The following HSPA4 variants were observed in gnomAD, a reference collection of about 807,000 sequenced individuals.
HSPA4 encodes heat shock protein family A (Hsp70) member 4.
A neutral mutation model predicts 106.2 loss-of-function variants in HSPA4; 25 were observed. The observed-to-expected ratio is 0.24, with a 90% CI of 0.17 to 0.33. HSPA4 has a LOEUF of 0.33. Ranked by LOEUF, HSPA4 falls within the 10% of genes least tolerant of loss-of-function variation. The pLI, the probability that HSPA4 is intolerant of heterozygous loss-of-function variation, is 1.00. For synonymous variants in HSPA4, 332 were observed against 333.6 expected, an observed-to-expected ratio of 1.00 and a Z score of 0.05; for missense variants, 841 against 996.0, an observed-to-expected ratio of 0.84 and a Z score of 2.10.
rs1231361695 is a variant in HSPA4, at chr5:133,067,892, GT to G, written c.306+353del. ...TGGAAGAGCAGGCAAAGCAATCACA[GT>G]TTTTTTTTTTTTTTTTTGAGATGGA... On this transcript the variant is annotated intron_variant, in intron 3 of 18. Coordinates refer to ENST00000304858, the MANE Select transcript of HSPA4 (RefSeq NM_002154.4). 5.6e-3 allele frequency among the ~76,000 whole-genome samples: 755 copies of G among 134,728 alleles called. 6 individuals are homozygous for G. Among genetic ancestry groups the G allele is most frequent in the African/African-American group, 0.018 (664 of 36,998 alleles). The allele number at this position is 134,728 out of a possible 152,430, so 88.4% of individuals were successfully genotyped here. A position where few individuals can be genotyped will look rare whatever the true frequency, so the allele number is the denominator to read the frequency against.
At chr5:133,097,749 A>G (rs2126715758) in intron 15 of HSPA4, among the ~76,000 whole-genome samples, 1 of 151,642 alleles carries the variant, frequency 6.6e-6, no homozygotes. Flanking sequence ...GGATTTCTCC[A>G]TGTTGATCAG....
At chr5:133,053,940 G>T (rs1165755286) in intron 1 of HSPA4, among the ~76,000 whole-genome samples, 2 of 151,346 alleles carry the variant, frequency 1.3e-5, no homozygotes, top group Non-Finnish European at 2.9e-5. Flanking sequence ...GATTACAGGC[G>T]TGAGTCACGG....
In HSPA4 at chr5:133,091,292, C is replaced by G; in HGVS notation, c.1478C>G (p.Ser493Cys). ...AATGTCCATGGCATTTTCAGTGTGT[C>G]CAGTGCATCTTTAGTGGAGGTTCAC... is the stretch of plus-strand genomic sequence containing the variant. ...RVNVHGIFSV[S>C]SASLVEVHKS... Residue 493 changes from serine to cysteine, a missense_variant, in exon 12 of 19, where the codon TCC (serine) becomes TGC (cysteine). By Grantham distance (112) the Ser-to-Cys change is moderately radical. Around this residue, in one of 5 missense-constraint regions of HSPA4, gnomAD observed 162 missense variants for 177.7 expected, o/e 0.91. Coordinates refer to ENST00000304858, the MANE Select transcript of HSPA4 (RefSeq NM_002154.4). 6.2e-7 allele frequency: 1 copy of G among 1,613,712 alleles called. No individual in the cohort carries two copies. The highest frequency in any genetic ancestry group is 8.5e-7 in the Non-Finnish European group (1 of 1,179,698).
Position 133,086,724 on chromosome 5 carries a change from A to G in HSPA4, c.909-58A>G, listed in dbSNP as rs1765582780. 2.6e-5 allele frequency: 32 copies of G among 1,232,726 alleles called. No homozygotes were observed. The South Asian group carries it at 3.2e-4, about 12-fold the overall frequency. The allele number at this position is 1,232,726 out of a possible 1,614,324, so 76.4% of individuals were successfully genotyped here. Reference sequence around the variant, plus strand: ...TTTTTATTATAGCCATCCATTCCACATAAAAGTGGCATGTGATTTAATGTA... The same window carrying G: ...TTTTTATTATAGCCATCCATTCCACGTAAAAGTGGCATGTGATTTAATGTA... On this transcript the variant is annotated intron_variant, in intron 7 of 18. Transcript: ENST00000304858.
At chr5:133,077,023 A>T in intron 7 of HSPA4, 125 bp downstream of exon 7, 1 of 870,936 alleles carries the variant, frequency 1.1e-6, no homozygotes, top group Non-Finnish European at 1.7e-6. Context: ...CTATTTTAAA[A>T]ATTAGAAGCC....
intron 9 of HSPA4, 27 bp from the exon 10 acceptor site, chr5:133,089,028 C>A: frequency 7.5e-7 from 1 of 1,331,364 alleles, no homozygotes; most frequent in Non-Finnish European, 1.1e-6. Flanking sequence ...ACTTGTTAAA[C>A]GGAATTTTTG....
chr5:133,067,598 ATTATATT>A, intron 3 of HSPA4, 41 bp downstream of exon 3: 1 of 1,489,072 alleles, frequency 6.7e-7, no homozygotes, highest in Non-Finnish European at 9.3e-7. Flanking sequence ...AAAATGCATT[ATTATATT>A]TTATCAGTTC....
chr5:133,104,247 T>C lies in HSPA4; in HGVS notation c.2334T>C (p.Thr778=), dbSNP rs973369831. ...ACCCATTCCAGGAGCTGACAAGTAC[T>C]TGTAGCCCTATAATTTCAAAGCCCA... ...IEAKIKELTS[T]CSPIISKPKP... is the part of the protein sequence containing the mutation. The change falls in exon 19 of 19, where the codon ACT becomes ACC. Residue 778 remains threonine, a synonymous_variant. Coordinates refer to ENST00000304858, the MANE Select transcript of HSPA4 (RefSeq NM_002154.4). 3.1e-6 allele frequency: 5 copies of C among 1,613,944 alleles called. No homozygotes were observed. Among genetic ancestry groups the C allele is most frequent in the Admixed American group, 1.7e-5 (1 of 60,000 alleles).
At chr5:133,083,828 C>T (rs546455753) in intron 7 of HSPA4, among the ~76,000 whole-genome samples, 4 of 152,244 alleles carry the variant, frequency 2.6e-5, no homozygotes, top group Admixed American at 1.3e-4. Flanking sequence ...TGAGCTACTG[C>T]GTGGCCTGGC....
chr5:133,070,407 A>G lies in HSPA4; in HGVS notation c.340A>G (p.Thr114Ala), dbSNP rs761081970. The change falls in exon 4 of 19, where the codon ACT (threonine) becomes GCT (alanine). Residue 114 changes from threonine to alanine, a missense_variant. Transcript: ENST00000304858. ...TATGGAGGAAGAGCGAAATTTTACC[A>G]CTGAGCAAGTGACTGCCATGCTTTT... is the stretch of plus-strand genomic sequence containing the variant. ...TYMEEERNFT[T>A]EQVTAMLLSK... 4 of 1,611,430 alleles carry G rather than the reference A, an allele frequency of 2.5e-6. No homozygotes were observed. The Admixed American group carries it at 5.1e-5, about 20-fold the overall frequency.
At chr5:133,092,810 T>TTTTTGTTTTTTG in intron 13 of HSPA4, 21 bp downstream of exon 13, 1 of 267,640 alleles carries the variant, frequency 3.7e-6, no homozygotes. Flanking sequence ...GGTGGTGTTT[T>TTTTTGTTTTTTG]TTTTTTTTTT....
chr5:133,105,273 G>C lies in HSPA4; in HGVS notation c.*837G>C, dbSNP rs1765842636. 1 of 152,170 alleles carries C rather than the reference G, an allele frequency of 6.6e-6. No homozygotes were observed. Among genetic ancestry groups the C allele is most frequent in the South Asian group, 2.1e-4 (1 of 4,836 alleles). 9.4% of individuals were successfully genotyped at this position (152,170 alleles called of 1,614,324 possible). Reference sequence around the variant, plus strand: ...TATCCTGGCCTGTTTATTCAGGTGGGAGATGTTCTGTATAATTTTGAGGTA... The same window carrying C: ...TATCCTGGCCTGTTTATTCAGGTGGCAGATGTTCTGTATAATTTTGAGGTA... On this transcript the variant is annotated 3_prime_UTR_variant, in exon 19 of 19. Transcript: ENST00000304858.
rs757905111 is a variant in HSPA4 at position 133,089,077 on chromosome 5, T to G, written c.1160T>G (p.Phe387Cys). 1 of 1,600,546 alleles carries G rather than the reference T, an allele frequency of 6.2e-7. No individual in the cohort carries two copies. Among genetic ancestry groups the G allele is most frequent in the Non-Finnish European group, 8.5e-7 (1 of 1,173,050 alleles). The change falls in exon 10 of 19, where the codon TTC becomes TGC. Residue 387 changes from phenylalanine (F) to cysteine (C), a missense_variant. This residue lies in a region of HSPA4 where 162 missense variants were observed against 177.7 expected (regional missense o/e 0.91). Coordinates refer to ENST00000304858, the MANE Select transcript of HSPA4 (RefSeq NM_002154.4). Reference sequence around the variant, plus strand: ...TAGTGTGCCATCTTATCGCCTGCTTTCAAAGTCAGAGAATTTTCTATCACT... The same window carrying G: ...TAGTGTGCCATCTTATCGCCTGCTTGCAAAGTCAGAGAATTTTCTATCACT... ...ALQCAILSPA[F>C]KVREFSITDV...
rs115328195 is a variant in HSPA4, at chr5:133,074,581, G to A, written c.663+455G>A. ...GCGTGAGCCACGGCGCCCAGCAGGA[G>A]GATTTTTTAACATGTAGTTCCTTGG... is the stretch of plus-strand genomic sequence containing the variant. On this transcript the variant is annotated intron_variant, in intron 6 of 18. Coordinates refer to ENST00000304858, the MANE Select transcript of HSPA4 (RefSeq NM_002154.4). Among the ~76,000 whole-genome samples, 591 of 152,220 alleles carry A rather than the reference G, an allele frequency of 3.9e-3. 3 individuals are homozygous for A. Among genetic ancestry groups the A allele is most frequent in the African/African-American group, 0.013 (561 of 41,570 alleles).
rs1765848787 is a variant in HSPA4 at position 133,105,722 on chromosome 5, G to T, written c.*1286G>T. On this transcript the variant is annotated 3_prime_UTR_variant, in exon 19 of 19. Coordinates refer to ENST00000304858, the MANE Select transcript of HSPA4 (RefSeq NM_002154.4). ...AAATTGATATTCTGTATAACAGAGT[G>T]CCTCTCTGTTACTTTTGGCCTATGT... The T allele has an allele frequency of 6.6e-6, 1 of 152,154 alleles. No individual in the cohort carries two copies. Among genetic ancestry groups the T allele is most frequent in the African/African-American group, 2.4e-5 (1 of 41,434 alleles). The allele number at this position is 152,154 out of a possible 1,614,324, so 9.4% of individuals were successfully genotyped here. A position where few individuals can be genotyped will look rare whatever the true frequency, so the allele number is the denominator to read the frequency against.
Position 133,104,542 on chromosome 5 carries a change from GTT to G in HSPA4, c.*110_*111del. On this transcript the variant is annotated 3_prime_UTR_variant, in exon 19 of 19. Coordinates refer to ENST00000304858, the MANE Select transcript of HSPA4 (RefSeq NM_002154.4). The stretch of plus-strand genomic sequence containing the variant: ...GTGAATACTGAAGATTTCTTAGTCA[GTT>G]TTTAGGGGATTTTCGGGGAGGGGAA... The G allele has an allele frequency of 9.8e-7, 1 of 1,020,920 alleles. No homozygotes were observed. The highest frequency in any genetic ancestry group is 1.4e-6 in the Non-Finnish European group (1 of 690,462). 63.2% of individuals were successfully genotyped at this position (1,020,920 alleles called of 1,614,324 possible).
intron 9 of HSPA4, 136 bp from the exon 10 acceptor site, chr5:133,088,919 A>G: frequency 1.9e-6 from 1 of 517,206 alleles, no homozygotes; most frequent in South Asian, 3.4e-5. Context: ...AAAACTGTTC[A>G]GACACCATTA....
At chr5:133,096,073 T>C in intron 13 of HSPA4, 25 bp from the exon 14 acceptor site, 3 of 1,605,986 alleles carry the variant, frequency 1.9e-6, no homozygotes, top group Non-Finnish European at 2.6e-6. Flanking sequence ...TATGTGTTTG[T>C]TCTTAATGAT....
Position 133,073,277 on chromosome 5 carries a change from A to C in HSPA4, c.477A>C (p.Ala159=). The change falls in exon 5 of 19, where the codon GCA becomes GCC. Residue 159 remains alanine, a synonymous_variant. Transcript: ENST00000304858. ...CAGAAAGACGATCAGTGATGGATGC[A>C]ACACAGATTGCTGGTCTTAATTGCT... ...TDAERRSVMD[A]TQIAGLNCLR... 1 of 1,613,030 alleles carries C rather than the reference A, an allele frequency of 6.2e-7. No homozygotes were observed. The highest frequency in any genetic ancestry group is 1.1e-5 in the South Asian group (1 of 90,936).
Sources: allele counts gnomAD v4.1 joint callset (sites outside exome capture counted in the v4.1 genomes callset), GRCh38; gene constraint gnomAD v4.1.1; regional missense constraint gnomAD v4.1.1; transcripts MANE v1.5; gene names NCBI Gene and HGNC (gene_info 2026-07-23, HGNC 2026-07-21).